Variants in IPCEF1 observed in about 807,000 individuals in gnomAD.
The protein encoded by IPCEF1 is interactor protein for cytohesin exchange factors 1.
Under a neutral mutation model 50.9 loss-of-function variants are expected in IPCEF1, and 31 were observed. That is an observed-to-expected ratio of 0.61 (90% CI 0.46 to 0.82). The LOEUF is 0.82. Among genes scored for constraint, IPCEF1 ranks in the 40% least tolerant of loss-of-function variants. The pLI is 0.00. For synonymous variants in IPCEF1, 181 were observed against 192.0 expected (o/e 0.94, Z 0.47); for missense variants, 458 against 514.0 (o/e 0.89, Z 1.05).
chr6:154,198,525 T>TAAA (rs531495790), intron 10 of IPCEF1, among the ~76,000 whole-genome samples: 271 of 152,290 alleles, frequency 1.8e-3, no homozygotes, highest in South Asian at 0.01. Flanking sequence ...CAGGTCTGTG[T>TAAA]AAAGCATCTT....
chr6:154,207,238 C>A (rs1777576708), intron 9 of IPCEF1, among the ~76,000 whole-genome samples: 1 of 152,186 alleles, frequency 6.6e-6, no homozygotes. Context: ...TGAAGATGAG[C>A]TGTTAAAGCC....
intron 5 of IPCEF1, among the ~76,000 whole-genome samples, chr6:154,243,702 T>C (rs1405560272): frequency 2.6e-5 from 4 of 152,222 alleles, no homozygotes; most frequent in Non-Finnish European, 5.9e-5. Context: ...TCATGTATCC[T>C]GGCCCGAGAG....
chr6:154,208,231 T>G (rs953183673), intron 9 of IPCEF1, among the ~76,000 whole-genome samples: 9 of 152,140 alleles, frequency 5.9e-5, no homozygotes, highest in Admixed American at 5.2e-4. Flanking sequence ...CTCATCTTGG[T>G]TCACCCCGCG....
intron 1 of IPCEF1, among the ~76,000 whole-genome samples, chr6:154,320,280 T>C (rs1159773798): frequency 2.0e-5 from 3 of 152,228 alleles, no homozygotes; most frequent in Non-Finnish European, 4.4e-5. Flanking sequence ...AAGACTTATT[T>C]TTCCAATTTG....
chr6:154,321,778 T>TAAAAAAAAAAAAAAAAAA (rs61648946), intron 1 of IPCEF1, among the ~76,000 whole-genome samples: 3 of 51,936 alleles, frequency 5.8e-5, no homozygotes, highest in African/African-American at 1.1e-4. Context: ...AGACTCTTTC[T>TAAAAAAAAAAAAAAAAAA]AAAAAAAAAA....
In IPCEF1 at chr6:154,324,172, G is replaced by C. The variant is rs572403160; in HGVS notation, c.-62+32500C>G. On this transcript the variant is annotated intron_variant, in intron 1 of 11. Coordinates refer to ENST00000367220, the MANE Select transcript of IPCEF1 (RefSeq NM_001130700.2). ...ACAGACAACATTTCAAACCAGCAGA[G>C]GCATGTGGCTTATCCAACTGGCTAG... Among the ~76,000 whole-genome samples, 16 of 152,286 alleles carry C rather than the reference G, an allele frequency of 1.1e-4. No individual in the cohort carries two copies. In the South Asian group the frequency reaches 3.3e-3, roughly 32 times the overall value.
intron 1 of IPCEF1, among the ~76,000 whole-genome samples, chr6:154,323,057 C>T (rs976107130): frequency 6.6e-6 from 1 of 152,216 alleles, no homozygotes; most frequent in Admixed American, 6.5e-5. Context: ...TGCTTTTAAA[C>T]AAGAGATTCC....
intron 1 of IPCEF1, among the ~76,000 whole-genome samples, chr6:154,312,067 C>T (rs181681263): frequency 2.4e-4 from 37 of 152,260 alleles, no homozygotes; most frequent in African/African-American, 8.7e-4. Context: ...AATCTTTGTC[C>T]ATCGACAGAT....
At chr6:154,295,116 T>C (rs1332953486) in intron 1 of IPCEF1, among the ~76,000 whole-genome samples, 1 of 151,630 alleles carries the variant, frequency 6.6e-6, no homozygotes, top group East Asian at 1.9e-4. Context: ...AAGAATGGCG[T>C]GAAACCAGGA....
At chr6:154,185,388 T>C (rs1801248863) in intron 10 of IPCEF1, among the ~76,000 whole-genome samples, 2 of 152,372 alleles carry the variant, frequency 1.3e-5, no homozygotes, top group Admixed American at 6.5e-5. Flanking sequence ...ACAGGTACTT[T>C]GTAATTTTTA....
intron 1 of IPCEF1, among the ~76,000 whole-genome samples, chr6:154,345,779 T>G (rs553276099): frequency 1.3e-5 from 2 of 152,330 alleles, no homozygotes; most frequent in African/African-American, 4.8e-5. Flanking sequence ...GTACCCCATA[T>G]GGTAAATTAT....
intron 1 of IPCEF1, among the ~76,000 whole-genome samples, chr6:154,307,492 C>T (rs1040106347): frequency 3.9e-5 from 6 of 152,220 alleles, no homozygotes; most frequent in African/African-American, 9.6e-5. Context: ...AGTGTGAAAA[C>T]GGACTAATAC....
intron 1 of IPCEF1, among the ~76,000 whole-genome samples, chr6:154,290,892 C>T (rs1477853123): frequency 1.1e-5 from 1 of 92,172 alleles, no homozygotes; most frequent in Non-Finnish European, 2.2e-5. Flanking sequence ...GAATATATTG[C>T]CTTTTTTTTT....
chr6:154,208,018 C>T (rs533206688), intron 9 of IPCEF1, among the ~76,000 whole-genome samples: 10 of 152,160 alleles, frequency 6.6e-5, no homozygotes, highest in Non-Finnish European at 1.2e-4. Flanking sequence ...ACTGTATACC[C>T]TCTCTTAGTT....
intron 1 of IPCEF1, among the ~76,000 whole-genome samples, chr6:154,335,010 A>T (rs1188690295): frequency 2.6e-5 from 4 of 152,090 alleles, no homozygotes; most frequent in African/African-American, 9.7e-5. Flanking sequence ...CCCTCCCTGT[A>T]AAACCAAGAA....
At chr6:154,268,658 C>T (rs1430532228) in intron 2 of IPCEF1, among the ~76,000 whole-genome samples, 2 of 152,154 alleles carry the variant, frequency 1.3e-5, no homozygotes, top group Admixed American at 6.5e-5. Context: ...GTGAAAACTT[C>T]CTACAAGTGA....
At position 154,300,437 on chromosome 6, in the gene IPCEF1, C is replaced by A. The variant is rs550136578; in HGVS notation, c.-61-10681G>T. 2.6e-5 allele frequency among the ~76,000 whole-genome samples: 4 copies of A among 152,190 alleles called. No individual in the cohort carries two copies. In the East Asian group the frequency reaches 7.7e-4, roughly 29 times the overall value. ...GACCTGCCTGGGCAACATATGATGA[C>A]CCACGTCTCTACAGAAAAATGTAAA... On this transcript the variant is annotated intron_variant, in intron 1 of 11. Coordinates refer to ENST00000367220, the MANE Select transcript of IPCEF1 (RefSeq NM_001130700.2).
chr6:154,282,414 G>A lies in IPCEF1; in HGVS notation c.-18+7299C>T, dbSNP rs1486549407. 5.3e-5 allele frequency among the ~76,000 whole-genome samples: 8 copies of A among 152,286 alleles called. 1 individual carries two copies. The highest frequency in any genetic ancestry group is 1.7e-4 in the African/African-American group (7 of 41,578). Reference sequence around the variant, plus strand: ...GTAGATGGATCAGGCAGGGCGCGGTGGCTCACGCCTGTAATCCCAGCACTT... The same window carrying A: ...GTAGATGGATCAGGCAGGGCGCGGTAGCTCACGCCTGTAATCCCAGCACTT... On this transcript the variant is annotated intron_variant, in intron 2 of 11. Coordinates refer to ENST00000367220, the MANE Select transcript of IPCEF1 (RefSeq NM_001130700.2).
At chr6:154,214,848 T>C (rs2128608668) in intron 7 of IPCEF1, among the ~76,000 whole-genome samples, 1 of 152,318 alleles carries the variant, frequency 6.6e-6, no homozygotes, top group East Asian at 1.9e-4. Context: ...CTATTTACCA[T>C]TTTACTGGCA....
Sources: allele counts gnomAD v4.1 joint callset (sites outside exome capture counted in the v4.1 genomes callset), GRCh38; gene constraint gnomAD v4.1.1; transcripts MANE v1.5; gene names NCBI Gene and HGNC (gene_info 2026-07-23, HGNC 2026-07-21).